PLCG2: variants seen among roughly 807,000 people sequenced by gnomAD.
PLCG2 encodes 1-phosphatidylinositol 4,5-bisphosphate phosphodiesterase gamma-2.
Under a neutral mutation model 175.6 loss-of-function variants are expected in PLCG2, and 69 were observed. That is an observed-to-expected ratio of 0.39 (90% CI 0.32 to 0.48). The LOEUF is 0.48. Ranked by LOEUF, PLCG2 falls within the 20% of genes least tolerant of loss-of-function variation. The pLI, the probability that PLCG2 is intolerant of heterozygous loss-of-function variation, is 0.91. For missense variants in PLCG2, 1,798 were observed against 1,650.9 expected (o/e 1.09, Z -1.54); for synonymous variants, 827 against 624.0 (o/e 1.33, Z -4.85).
chr16:81,848,138 T>C (rs945683547), intron 2 of PLCG2, among the ~76,000 whole-genome samples: 2 of 152,162 alleles, frequency 1.3e-5, no homozygotes, highest in Admixed American at 6.5e-5. Context: ...AATAGAAAGA[T>C]TAGTAGAACA....
In PLCG2 at chr16:81,802,329, G is replaced by T. The variant is rs188650492; in HGVS notation, c.193+16147G>T. Among the ~76,000 whole-genome samples, 288 of 150,806 alleles carry T rather than the reference G, an allele frequency of 1.9e-3. 1 individual carries two copies. Among genetic ancestry groups the T allele is most frequent in the African/African-American group, 6.3e-3 (260 of 41,114 alleles). On this transcript the variant is annotated intron_variant, in intron 2 of 32. Coordinates refer to ENST00000564138, the MANE Select transcript of PLCG2 (RefSeq NM_002661.5). Reference sequence around the variant, plus strand: ...GGGTTTCACCGTGTTAGCCAGGATGGTCTCGATCTCCTGACCTCGTGATCC... The same window carrying T: ...GGGTTTCACCGTGTTAGCCAGGATGTTCTCGATCTCCTGACCTCGTGATCC...
chr16:81,792,982 A>G (rs1426976725), intron 2 of PLCG2, among the ~76,000 whole-genome samples: 1 of 152,210 alleles, frequency 6.6e-6, no homozygotes. Flanking sequence ...TTGGGTGAGA[A>G]TTAAATGGAT....
chr16:81,933,331 C>T (rs888521058), intron 25 of PLCG2, among the ~76,000 whole-genome samples: 5 of 152,198 alleles, frequency 3.3e-5, no homozygotes, highest in Non-Finnish European at 7.3e-5. Flanking sequence ...GAAGAAGGCC[C>T]CATCCCACTC....
chr16:81,750,128 C>T (rs763676839), intron 1 of PLCG2, among the ~76,000 whole-genome samples: 34 of 152,116 alleles, frequency 2.2e-4, no homozygotes, highest in Non-Finnish European at 4.1e-4. Context: ...AGCAATTTGG[C>T]TGGGTGTGGT....
At chr16:81,755,347 C>T (rs1909899713) in intron 1 of PLCG2, among the ~76,000 whole-genome samples, 1 of 150,718 alleles carries the variant, frequency 6.6e-6, no homozygotes, top group Middle Eastern at 3.4e-3. Context: ...CAGGCATGCA[C>T]CACCATGCCT....
At chr16:81,832,070 G>A (rs557320430) in intron 2 of PLCG2, among the ~76,000 whole-genome samples, 9 of 151,450 alleles carry the variant, frequency 5.9e-5, no homozygotes, top group East Asian at 5.9e-4. Context: ...GGGCTTTGTC[G>A]TCCTCCGGCC....
intron 25 of PLCG2, among the ~76,000 whole-genome samples, chr16:81,934,222 C>T (rs183045528): frequency 3.9e-5 from 6 of 152,140 alleles, no homozygotes; most frequent in East Asian, 3.9e-4. Flanking sequence ...ACCAAAACCT[C>T]GTGGAAACAG....
intron 27 of PLCG2, among the ~76,000 whole-genome samples, chr16:81,937,007 A>G (rs1910743764): frequency 6.6e-6 from 1 of 152,202 alleles, no homozygotes; most frequent in Admixed American, 6.5e-5. Flanking sequence ...CCCTGACGTG[A>G]GCGCCATTCC....
intron 2 of PLCG2, among the ~76,000 whole-genome samples, chr16:81,823,692 A>ACT (rs1555509745): frequency 6.9e-6 from 1 of 144,870 alleles, no homozygotes; most frequent in Non-Finnish European, 1.5e-5. Flanking sequence ...TGCCCAGCTA[A>ACT]TTTTTTTTTT....
intron 2 of PLCG2, among the ~76,000 whole-genome samples, chr16:81,789,192 T>C (rs931025497): frequency 9.9e-5 from 15 of 152,246 alleles, no homozygotes. Context: ...TGAAGCTCAT[T>C]GTGATGGGCA....
intron 18 of PLCG2, 52 bp downstream of exon 18, chr16:81,910,772 C>A: frequency 6.5e-7 from 1 of 1,533,778 alleles, no homozygotes; most frequent in Non-Finnish European, 8.9e-7. Flanking sequence ...GTTAGCTCCA[C>A]CAGGCAGAGA....
intron 9 of PLCG2, among the ~76,000 whole-genome samples, chr16:81,887,195 C>T (rs1454012897): frequency 6.6e-6 from 1 of 151,880 alleles, no homozygotes; most frequent in East Asian, 1.9e-4. Context: ...TCTCTGCTCA[C>T]CGCAAACTCT....
intron 2 of PLCG2, among the ~76,000 whole-genome samples, chr16:81,835,829 G>A (rs1190161766): frequency 6.6e-6 from 1 of 152,108 alleles, no homozygotes; most frequent in African/African-American, 2.4e-5. Context: ...CCTGGCCTCT[G>A]GTAGCTGCTG....
chr16:81,895,987 G>C, intron 13 of PLCG2, 60 bp downstream of exon 13: 1 of 1,594,534 alleles, frequency 6.3e-7, no homozygotes, highest in Non-Finnish European at 8.6e-7. Context: ...GGGTTGGATA[G>C]ACAGATGGAC....
chr16:81,868,940 C>A (rs1907377474), intron 5 of PLCG2, among the ~76,000 whole-genome samples: 1 of 152,214 alleles, frequency 6.6e-6, no homozygotes, highest in South Asian at 2.1e-4. Context: ...CTGGACATAC[C>A]TGAAGGGTGG....
intron 15 of PLCG2, among the ~76,000 whole-genome samples, chr16:81,907,340 A>G (rs1909419440): frequency 6.6e-6 from 1 of 152,108 alleles, no homozygotes; most frequent in Non-Finnish European, 1.5e-5. Context: ...ACAAATAAAT[A>G]TTGAACGTAA....
intron 2 of PLCG2, among the ~76,000 whole-genome samples, chr16:81,832,996 C>T (rs984981687): frequency 8.5e-5 from 13 of 152,156 alleles, no homozygotes; most frequent in African/African-American, 3.1e-4. Context: ...AAACAAGTCA[C>T]GCTTGTGAGA....
rs1246671039 is a variant in PLCG2 at position 81,957,967 on chromosome 16, A to G, written c.3767A>G (p.Lys1256Arg). The G allele has an allele frequency of 1.9e-6, 3 of 1,613,750 alleles. No homozygotes were observed. The highest frequency in any genetic ancestry group is 1.1e-5 in the South Asian group (1 of 91,080). The change falls in exon 33 of 33, where the codon AAG (lysine) becomes AGG (arginine). Residue 1256 changes from lysine (K) to arginine (R), a missense_variant. Lys to Arg is a conservative substitution (Grantham distance 26). Transcript: ENST00000564138. ...CTGTTTTATTTCAGGTTAAGAGAGAAGAGAGTCAGCAACAGCAAGTTTTAC... is the reference window on the plus strand; with the variant it reads ...CTGTTTTATTTCAGGTTAAGAGAGAGGAGAGTCAGCAACAGCAAGTTTTAC... ...QEKCNKRLRE[K>R]RVSNSKFYS
chr16:81,943,108 A>G (rs1371156129), intron 30 of PLCG2, among the ~76,000 whole-genome samples: 1 of 152,014 alleles, frequency 6.6e-6, no homozygotes, highest in African/African-American at 2.4e-5. Context: ...TGTAGGGGCT[A>G]CCTGATAGCC....
Sources: gnomAD v4.1 joint callset for allele counts (sites outside exome capture counted in the v4.1 genomes callset) on GRCh38, gnomAD v4.1.1 for gene constraint, MANE v1.5 for transcripts, NCBI Gene and HGNC (gene_info 2026-07-23, HGNC 2026-07-21) for gene names.